The following FER variants were observed in gnomAD, a reference collection of about 807,000 sequenced individuals.
The protein encoded by FER is FER tyrosine kinase.
A neutral mutation model predicts 111.0 loss-of-function variants in FER; 63 were observed. The ratio of observed to expected loss-of-function variants is 0.57; its 90% CI spans 0.46 to 0.70. The LOEUF (loss-of-function observed/expected upper bound fraction) is 0.70. Among genes scored for constraint, FER ranks in the 30% least tolerant of loss-of-function variants. FER has a pLI of 0.00. For synonymous variants in FER, 327 were observed against 313.9 expected, an observed-to-expected ratio of 1.04 and a Z score of -0.44; for missense variants, 914 against 954.0, an observed-to-expected ratio of 0.96 and a Z score of 0.55.
chr5:109,064,535 A>G (rs910725957), intron 16 of FER, among the ~76,000 whole-genome samples: 14 of 152,128 alleles, frequency 9.2e-5, no homozygotes, highest in African/African-American at 3.4e-4. Context: ...TTTTCTATTA[A>G]TGAGGAAATG....
chr5:108,823,352 A>C (rs538611238), intron 3 of FER, among the ~76,000 whole-genome samples: 5 of 152,208 alleles, frequency 3.3e-5, no homozygotes, highest in Admixed American at 2.6e-4. Flanking sequence ...TTTTTGAGGA[A>C]CCTCGATATG....
rs1465031668 is a variant in FER, at chr5:109,190,401, A to ATAAG, written c.*2828_*2831dup. ...TTCTTACTACTGCATAGTTCCTCTC[A>ATAAG]TAAGTCCTTAAATTTATTAAAAGGG... On this transcript the variant is annotated 3_prime_UTR_variant, in exon 20 of 20. Transcript: ENST00000281092. 6.6e-6 allele frequency: 1 copy of ATAAG among 152,064 alleles called. No homozygotes were observed. Among genetic ancestry groups the ATAAG allele is most frequent in the Non-Finnish European group, 1.5e-5 (1 of 68,018 alleles). The allele number at this position is 152,064 out of a possible 1,614,324, so 9.4% of individuals were successfully genotyped here.
chr5:109,000,597 G>C (rs1396373033), intron 13 of FER, among the ~76,000 whole-genome samples: 2 of 151,996 alleles, frequency 1.3e-5, no homozygotes, highest in African/African-American at 2.4e-5. Flanking sequence ...AAAAGAACTA[G>C]AGAAGCAAGA....
chr5:108,996,051 G>A (rs182981009), intron 13 of FER, among the ~76,000 whole-genome samples: 3 of 152,232 alleles, frequency 2.0e-5, no homozygotes, highest in South Asian at 4.2e-4. Context: ...TTTGTTGGCC[G>A]CATAAATGTC....
chr5:108,932,548 T>G (rs902123618), intron 10 of FER, among the ~76,000 whole-genome samples: 1 of 152,182 alleles, frequency 6.6e-6, no homozygotes, highest in East Asian at 1.9e-4. Flanking sequence ...GTAATGGGAT[T>G]GCTGGGTCAA....
intron 10 of FER, chr5:108,924,747 G>A (rs1753510618): frequency 8.1e-7 from 1 of 1,231,956 alleles, no homozygotes; most frequent in Non-Finnish European, 1.0e-6. Context: ...GTGCTTTAAT[G>A]TTCAGCTCTG....
At chr5:108,871,916 A>G (rs2150247939) in intron 7 of FER, among the ~76,000 whole-genome samples, 177 bp from the exon 8 acceptor site, 1 of 152,172 alleles carries the variant, frequency 6.6e-6, no homozygotes, top group Admixed American at 6.5e-5. Context: ...CAGATAAGGA[A>G]TCTAAGTCTC....
At chr5:108,879,467 T>G (rs186036400) in intron 8 of FER, among the ~76,000 whole-genome samples, 335 of 151,976 alleles carry the variant, frequency 2.2e-3, no homozygotes, top group Non-Finnish European at 3.6e-3. Context: ...TCATTTGAAC[T>G]GTTACTATTA....
At chr5:108,992,885 C>A (rs1046708716) in intron 13 of FER, among the ~76,000 whole-genome samples, 2 of 150,958 alleles carry the variant, frequency 1.3e-5, no homozygotes, top group Non-Finnish European at 3.0e-5. Flanking sequence ...CAGAGGCGCT[C>A]CTCACATCCC....
rs190383418 is a variant in FER at position 108,904,880 on chromosome 5, C to T, written c.1236+7032C>T. ...AGCTTTTCTGTGGCATGAATTTTAC[C>T]ATGCTGAACTTCAGTGTCTTAACAA... is the stretch of plus-strand genomic sequence containing the variant. On this transcript the variant is annotated intron_variant, in intron 10 of 19. Coordinates refer to ENST00000281092, the MANE Select transcript of FER (RefSeq NM_005246.4). Among the ~76,000 whole-genome samples the T allele has an allele frequency of 1.5e-3, 225 of 151,946 alleles. 1 individual carries two copies. Among genetic ancestry groups the T allele is most frequent in the Non-Finnish European group, 2.5e-3 (167 of 67,900 alleles).
Position 109,187,460 on chromosome 5 carries a change from G to A in FER, c.2354G>A (p.Cys785Tyr). The A allele has an allele frequency of 6.2e-7, 1 of 1,614,046 alleles. No homozygotes were observed. The highest frequency in any genetic ancestry group is 1.3e-5 in the African/African-American group (1 of 75,014). ...TACCGGATGTCAGCTCCCCAGCACT[G>A]TCCAGAGGATATTTCCAAAATCATG... ...RGYRMSAPQHCPEDISKIMMK... is the reference protein window; with the variant it reads ...RGYRMSAPQHYPEDISKIMMK... Residue 785 changes from cysteine (C) to tyrosine (Y), a missense_variant, in exon 20 of 20, where the codon TGT becomes TAT. Coordinates refer to ENST00000281092, the MANE Select transcript of FER (RefSeq NM_005246.4).
chr5:109,109,720 CT>C (rs1485822754), intron 17 of FER, among the ~76,000 whole-genome samples: 1 of 152,080 alleles, frequency 6.6e-6, no homozygotes, highest in East Asian at 1.9e-4. Context: ...GTCTGTTTAG[CT>C]GAAGATACAG....
At chr5:109,175,521 T>C (rs771548419) in intron 17 of FER, among the ~76,000 whole-genome samples, 4 of 152,168 alleles carry the variant, frequency 2.6e-5, no homozygotes, top group Non-Finnish European at 5.9e-5. Context: ...GAGAAATGCT[T>C]CAGGACATTG....
chr5:109,082,220 G>A (rs1201887720), intron 16 of FER, among the ~76,000 whole-genome samples: 1 of 151,936 alleles, frequency 6.6e-6, no homozygotes, highest in African/African-American at 2.4e-5. Flanking sequence ...TGCCCAATGT[G>A]TCACAGGAGA....
Position 109,159,873 on chromosome 5 carries a change from A to C in FER, c.2049-20874A>C, listed in dbSNP as rs150922063. ...GTGGCAGCAGTAATCTACTAAGCAGATGATCTGCACTGATAAAAAACCATT... is the reference window on the plus strand; with the variant it reads ...GTGGCAGCAGTAATCTACTAAGCAGCTGATCTGCACTGATAAAAAACCATT... On this transcript the variant is annotated intron_variant, in intron 17 of 19. Transcript: ENST00000281092. 4.1e-3 allele frequency among the ~76,000 whole-genome samples: 630 copies of C among 152,248 alleles called. 2 individuals carry two copies. The highest frequency in any genetic ancestry group is 0.015 in the African/African-American group (610 of 41,564).
intron 3 of FER, among the ~76,000 whole-genome samples, chr5:108,821,075 G>A (rs1347784706): frequency 1.3e-5 from 2 of 152,210 alleles, no homozygotes; most frequent in Non-Finnish European, 2.9e-5. Context: ...TTGCTCCACT[G>A]TACTCCAGCC....
chr5:108,881,767 GCTT>G (rs994338952), intron 8 of FER, among the ~76,000 whole-genome samples: 3 of 151,928 alleles, frequency 2.0e-5, no homozygotes, highest in African/African-American at 7.2e-5. Flanking sequence ...GTTCTGTGCT[GCTT>G]CTTCTTATAA....
chr5:108,748,565 G>A (rs1016234004), intron 1 of FER: 17 of 152,336 alleles, frequency 1.1e-4, no homozygotes, highest in African/African-American at 3.9e-4. Context: ...ACACCCGCTA[G>A]GGAGGAGCAG....
chr5:108,988,600 C>T (rs568653617), intron 13 of FER, among the ~76,000 whole-genome samples: 3 of 152,116 alleles, frequency 2.0e-5, no homozygotes, highest in African/African-American at 7.2e-5. Context: ...CTTCAATGAT[C>T]TTTTGTATTT....
Sources: allele counts gnomAD v4.1 joint callset (sites outside exome capture counted in the v4.1 genomes callset), GRCh38; gene constraint gnomAD v4.1.1; transcripts MANE v1.5; gene names NCBI Gene and HGNC (gene_info 2026-07-23, HGNC 2026-07-21).